The following MYH10 variants were observed in gnomAD, a reference collection of about 807,000 sequenced individuals.
MYH10 encodes myosin heavy chain 10.
In MYH10, 55 loss-of-function variants were observed where a neutral mutation model predicts 257.8. That is an observed-to-expected ratio of 0.21 (90% CI 0.17 to 0.27). The LOEUF (loss-of-function observed/expected upper bound fraction) is 0.27. Among genes scored for constraint, MYH10 ranks in the 10% least tolerant of loss-of-function variants. The pLI is 1.00. For synonymous variants in MYH10, 854 were observed against 921.7 expected, an observed-to-expected ratio of 0.93 and a Z score of 1.33; for missense variants, 1,631 against 2,500.6, an observed-to-expected ratio of 0.65 and a Z score of 7.42.
chr17:8,483,179 T>G lies in MYH10; in HGVS notation c.5175+959A>C, dbSNP rs188392900. Among the ~76,000 whole-genome samples the G allele has an allele frequency of 9.8e-5, 15 of 152,310 alleles. No individual in the cohort carries two copies. In the East Asian group the frequency reaches 2.9e-3, roughly 29 times the overall value. ...ATTTAGAATTACATGACAATGAAAT[T>G]ACTCCACATCAAAATTTGTGGAACA... is the stretch of plus-strand genomic sequence containing the variant. On this transcript the variant is annotated intron_variant, in intron 37 of 42. Transcript: ENST00000360416.
At chr17:8,568,731 G>A (rs1473707975) in intron 7 of MYH10, among the ~76,000 whole-genome samples, 2 of 152,022 alleles carry the variant, frequency 1.3e-5, no homozygotes, top group African/African-American at 4.8e-5. Context: ...AGGAATGTCC[G>A]TTGTGTTGAA....
At chr17:8,502,858 A>G (rs992910745) in intron 28 of MYH10, among the ~76,000 whole-genome samples, 1 of 152,152 alleles carries the variant, frequency 6.6e-6, no homozygotes, top group Non-Finnish European at 1.5e-5. Flanking sequence ...CTTATTTTCT[A>G]TTGCAGTCAA....
chr17:8,598,223 C>T (rs1459077097), intron 3 of MYH10, among the ~76,000 whole-genome samples: 1 of 152,224 alleles, frequency 6.6e-6, no homozygotes, highest in Non-Finnish European at 1.5e-5. Flanking sequence ...TCAACAATCT[C>T]TTCTACTTCT....
intron 3 of MYH10, among the ~76,000 whole-genome samples, chr17:8,589,660 T>C (rs908403090): frequency 6.6e-6 from 1 of 152,104 alleles, no homozygotes; most frequent in Non-Finnish European, 1.5e-5. Flanking sequence ...GGAAAGAAAG[T>C]TGAAGGAGGA....
chr17:8,569,046 T>C lies in MYH10; in HGVS notation c.756+674A>G, dbSNP rs548550483. On this transcript the variant is annotated intron_variant, in intron 7 of 42. Coordinates refer to ENST00000360416, the MANE Select transcript of MYH10 (RefSeq NM_001256012.3). The surrounding 1 kb of genome is among the most constrained non-coding windows in gnomAD (Gnocchi z 4.1). ...GACAACATAGTGAGACCCTAGTCTC[T>C]AAAAAAAAAAAAGTTACTCTTTTAA... 7.2e-6 allele frequency among the ~76,000 whole-genome samples: 1 copy of C among 139,722 alleles called. No homozygotes were observed. Among genetic ancestry groups the C allele is most frequent in the South Asian group, 2.3e-4 (1 of 4,376 alleles). The allele number at this position is 139,722 out of a possible 152,430, so 91.7% of individuals were successfully genotyped here.
At chr17:8,526,508 G>A (rs1031367812) in intron 17 of MYH10, among the ~76,000 whole-genome samples, 1 of 152,152 alleles carries the variant, frequency 6.6e-6, no homozygotes, top group Non-Finnish European at 1.5e-5. Context: ...TCATTACTTG[G>A]TTCTAGAAGC....
At chr17:8,499,932 C>T (rs1391919467) in intron 29 of MYH10, among the ~76,000 whole-genome samples, 1 of 151,970 alleles carries the variant, frequency 6.6e-6, no homozygotes, top group Non-Finnish European at 1.5e-5. Flanking sequence ...ACATGGGAAT[C>T]TGGGCCAGAC....
chr17:8,529,342 C>G (rs1423769429), intron 17 of MYH10, among the ~76,000 whole-genome samples: 4 of 152,214 alleles, frequency 2.6e-5, no homozygotes, highest in Non-Finnish European at 4.4e-5. Flanking sequence ...TCAAAGAGCT[C>G]ACAGCCTGAA....
At chr17:8,600,570 C>A (rs1424424988) in intron 3 of MYH10, among the ~76,000 whole-genome samples, 1 of 152,120 alleles carries the variant, frequency 6.6e-6, no homozygotes, top group Non-Finnish European at 1.5e-5. Flanking sequence ...AAGGACCTTA[C>A]GATCAAGGGA....
chr17:8,490,592 G>T lies in MYH10; in HGVS notation c.4672-40C>A. 6.3e-7 allele frequency: 1 copy of T among 1,588,714 alleles called. No homozygotes were observed. Among genetic ancestry groups the T allele is most frequent in the South Asian group, 1.1e-5 (1 of 90,606 alleles). ...CATCAGGAAAGAGTTGACCGGGGTG[G>T]AGGCACATATGAAGAACAGCAGTCT... On this transcript the variant is annotated intron_variant, in intron 34 of 42. Transcript: ENST00000360416. The surrounding 1 kb of genome is among the most constrained non-coding windows in gnomAD (Gnocchi z 4.1).
At chr17:8,539,388 C>T (rs2082231592) in intron 14 of MYH10, among the ~76,000 whole-genome samples, 1 of 152,164 alleles carries the variant, frequency 6.6e-6, no homozygotes, top group Admixed American at 6.5e-5. Context: ...TGCCAGCCTA[C>T]TTTGTGGCCT....
intron 2 of MYH10, among the ~76,000 whole-genome samples, chr17:8,621,624 T>C (rs1308615886): frequency 6.6e-6 from 1 of 152,234 alleles, no homozygotes; most frequent in African/African-American, 2.4e-5. Flanking sequence ...GGGTTGTTCC[T>C]AAGCCTTTCC....
intron 41 of MYH10, among the ~76,000 whole-genome samples, chr17:8,478,122 A>G (rs935235211): frequency 1.3e-5 from 2 of 152,218 alleles, no homozygotes; most frequent in Non-Finnish European, 2.9e-5. Flanking sequence ...TTTACAGTTC[A>G]GTCCAGGCCT....
At chr17:8,488,583 C>T (rs1489970381) in intron 35 of MYH10, among the ~76,000 whole-genome samples, 1 of 152,190 alleles carries the variant, frequency 6.6e-6, no homozygotes, top group Non-Finnish European at 1.5e-5. Flanking sequence ...AAAGAAAGGT[C>T]CCTGCCTTCA....
chr17:8,605,535 GGA>G (rs1293306978), intron 2 of MYH10, among the ~76,000 whole-genome samples: 1 of 152,130 alleles, frequency 6.6e-6, no homozygotes, highest in Non-Finnish European at 1.5e-5. Context: ...CACAAGGTCA[GGA>G]GTTCAAGACT....
rs768884896 is a variant in MYH10, at chr17:8,478,387, A to C, written c.5657T>G (p.Phe1886Cys). 1 of 1,614,138 alleles carries C rather than the reference A, an allele frequency of 6.2e-7. No homozygotes were observed. Among genetic ancestry groups the C allele is most frequent in the East Asian group, 2.2e-5 (1 of 44,888 alleles). Reference protein sequence around the residue: ...RRTEKKLKEIFMQVEDERRHA... With the variant: ...RRTEKKLKEICMQVEDERRHA... The stretch of plus-strand genomic sequence containing the variant: ...TCGACGCTCATCCTCAACCTGCATG[A>C]AGATTTCTTTCAGCTTCTTCTCAGT... Residue 1886 changes from phenylalanine to cysteine, a missense_variant, in exon 41 of 43, where the codon TTC (phenylalanine) becomes TGC (cysteine). Physicochemically the swap from Phe to Cys is radical, Grantham distance 205. Coordinates refer to ENST00000360416, the MANE Select transcript of MYH10 (RefSeq NM_001256012.3).
chr17:8,476,095 A>G (rs1912552353), intron 42 of MYH10, 147 bp from the exon 43 acceptor site: 2 of 939,804 alleles, frequency 2.1e-6, no homozygotes, highest in Non-Finnish European at 3.1e-6. Flanking sequence ...TACGATGGGG[A>G]AGGACTGCGT....
intron 16 of MYH10, 106 bp from the exon 17 acceptor site, chr17:8,530,791 C>T: frequency 1.2e-6 from 1 of 821,050 alleles, no homozygotes. Context: ...AATCGGGCTA[C>T]AAAAGGAGCT....
intron 19 of MYH10, among the ~76,000 whole-genome samples, chr17:8,519,766 T>C (rs1410170905): frequency 2.6e-5 from 4 of 152,102 alleles, no homozygotes; most frequent in Non-Finnish European, 5.9e-5. Flanking sequence ...GCACCATTTA[T>C]TTCATGGAAC....
Sources: gnomAD v4.1 joint callset for allele counts (sites outside exome capture counted in the v4.1 genomes callset) on GRCh38, gnomAD v4.1.1 for gene constraint, Gnocchi (gnomAD v3.1) non-coding constraint, MANE v1.5 for transcripts, NCBI Gene and HGNC (gene_info 2026-07-23, HGNC 2026-07-21) for gene names.